Variants in MCOLN2 observed in about 807,000 individuals in gnomAD.
The protein encoded by MCOLN2 is mucolipin-2.
A neutral mutation model predicts 67.5 loss-of-function variants in MCOLN2; 57 were observed. The ratio of observed to expected loss-of-function variants is 0.84; its 90% CI spans 0.68 to 1.05. The LOEUF is 1.05. Ranked by LOEUF, MCOLN2 falls within the 50% of genes least tolerant of loss-of-function variation. MCOLN2 has a pLI of 0.00. For synonymous variants in MCOLN2, 246 were observed against 233.3 expected (o/e 1.05, Z -0.50); for missense variants, 620 against 678.8 (o/e 0.91, Z 0.96).
chr1:84,957,547 C>T (rs1246017287), intron 3 of MCOLN2, among the ~76,000 whole-genome samples: 6 of 152,162 alleles, frequency 3.9e-5, no homozygotes, highest in Non-Finnish European at 7.4e-5. Context: ...TCCCAATCCT[C>T]ACCTTGCCAT....
Position 84,979,283 on chromosome 1 carries a change from T to C in MCOLN2, c.78-13575A>G, listed in dbSNP as rs1193892068. On this transcript the variant is annotated intron_variant, in intron 1 of 13. Coordinates refer to ENST00000370608, the MANE Select transcript of MCOLN2 (RefSeq NM_153259.4). ...AACTAATACCAATCCTACTCAAACT[T>C]TTCTGAAAAATAGAAGAGGAAACAA... Among the ~76,000 whole-genome samples, 10 of 152,136 alleles carry C rather than the reference T, an allele frequency of 6.6e-5. No individual in the cohort carries two copies. The South Asian group carries it at 2.1e-3, about 32-fold the overall frequency.
At chr1:84,991,615 G>A (rs560186788) in intron 1 of MCOLN2, among the ~76,000 whole-genome samples, 1 of 152,156 alleles carries the variant, frequency 6.6e-6, no homozygotes, top group African/African-American at 2.4e-5. Flanking sequence ...AAGGCCATAG[G>A]GGCTTTTCAT....
intron 7 of MCOLN2, among the ~76,000 whole-genome samples, chr1:84,945,902 C>T (rs950054946): frequency 6.6e-6 from 1 of 152,148 alleles, no homozygotes; most frequent in Non-Finnish European, 1.5e-5. Context: ...GCATGTGCCA[C>T]CATGCCCGGC....
chr1:84,931,255 T>C, intron 12 of MCOLN2, 107 bp downstream of exon 12: 1 of 777,718 alleles, frequency 1.3e-6, no homozygotes, highest in Non-Finnish European at 2.1e-6. Context: ...CCACAAAACC[T>C]CAAAATCTGA....
At chr1:84,983,115 T>C (rs1465072413) in intron 1 of MCOLN2, among the ~76,000 whole-genome samples, 2 of 152,082 alleles carry the variant, frequency 1.3e-5, no homozygotes, top group Admixed American at 6.5e-5. Context: ...TCCTTCATTT[T>C]TATCCTCATC....
chr1:84,969,570 CAAAA>C (rs60003501), intron 1 of MCOLN2, among the ~76,000 whole-genome samples: 5 of 80,696 alleles, frequency 6.2e-5, no homozygotes, highest in Non-Finnish European at 8.2e-5. Context: ...GACTCTGCCT[CAAAA>C]AAAAAAAAAA....
chr1:84,965,488 C>T, intron 2 of MCOLN2, 61 bp downstream of exon 2: 1 of 1,555,494 alleles, frequency 6.4e-7, no homozygotes, highest in South Asian at 1.2e-5. Context: ...GTACAGAACA[C>T]ATGAAAAGAG....
At chr1:84,996,722 C>T in intron 1 of MCOLN2, 74 bp downstream of exon 1, 5 of 1,375,998 alleles carry the variant, frequency 3.6e-6, no homozygotes, top group Non-Finnish European at 5.2e-6. Context: ...CTCTAGTCTA[C>T]GAAAGTAAAG....
intron 1 of MCOLN2, among the ~76,000 whole-genome samples, chr1:84,993,853 A>AC (rs1236422943): frequency 2.0e-5 from 3 of 151,330 alleles, no homozygotes; most frequent in African/African-American, 7.3e-5. Flanking sequence ...GATGGTCTCG[A>AC]TCTCCTGACC....
chr1:84,941,848 G>C (rs1280863544), intron 7 of MCOLN2, among the ~76,000 whole-genome samples: 1 of 152,170 alleles, frequency 6.6e-6, no homozygotes, highest in East Asian at 1.9e-4. Context: ...AGCAAGGAGG[G>C]GAGTGGTAAT....
At chr1:84,934,932 T>C (rs893503745) in intron 11 of MCOLN2, among the ~76,000 whole-genome samples, 1 of 152,236 alleles carries the variant, frequency 6.6e-6, no homozygotes, top group Non-Finnish European at 1.5e-5. Context: ...TGAAGTGTTA[T>C]GGGACCCCAG....
rs751094615 is a variant in MCOLN2, at chr1:84,931,404, A to G, written c.1500T>C (p.Ser500=). The G allele has an allele frequency of 1.1e-5, 17 of 1,596,840 alleles. No homozygotes were observed. Among genetic ancestry groups the G allele is most frequent in the Non-Finnish European group, 1.4e-5 (16 of 1,164,582 alleles). Reference sequence around the variant, plus strand: ...AATCTGTAATAAGTGCAATAAAAAGACTGAGAATCATATATATAAAAAGGC... The same window carrying G: ...AATCTGTAATAAGTGCAATAAAAAGGCTGAGAATCATATATATAAAAAGGC... ...FISLFIYMIL[S]LFIALITDSY... Residue 500 remains serine, a synonymous_variant, in exon 12 of 14, where the codon AGT becomes AGC. Coordinates refer to ENST00000370608, the MANE Select transcript of MCOLN2 (RefSeq NM_153259.4).
chr1:84,942,923 C>G (rs1208971345), intron 7 of MCOLN2, among the ~76,000 whole-genome samples: 1 of 152,146 alleles, frequency 6.6e-6, no homozygotes, highest in African/African-American at 2.4e-5. Context: ...AAGGTCCTCA[C>G]CAGAAGTGGG....
chr1:84,975,051 T>G (rs930375694), intron 1 of MCOLN2, among the ~76,000 whole-genome samples: 2 of 152,136 alleles, frequency 1.3e-5, no homozygotes, highest in Non-Finnish European at 2.9e-5. Flanking sequence ...TTCTAAGGTT[T>G]TTTATTGTAG....
chr1:84,945,815 C>T (rs1007112439), intron 7 of MCOLN2, among the ~76,000 whole-genome samples: 5 of 152,108 alleles, frequency 3.3e-5, no homozygotes, highest in African/African-American at 1.2e-4. Flanking sequence ...GGCATGATCT[C>T]GGTTCACTGC....
intron 8 of MCOLN2, among the ~76,000 whole-genome samples, chr1:84,940,388 G>A (rs946033259): frequency 1.3e-5 from 2 of 152,196 alleles, no homozygotes; most frequent in African/African-American, 4.8e-5. Context: ...ATTCATAAGA[G>A]CCCTGAGGGT....
At chr1:84,985,554 A>G (rs1650466008) in intron 1 of MCOLN2, among the ~76,000 whole-genome samples, 1 of 152,074 alleles carries the variant, frequency 6.6e-6, no homozygotes, top group Admixed American at 6.6e-5. Context: ...CACAGGTCTA[A>G]TTGGTCTCTC....
At chr1:84,934,550 G>T (rs1017764226) in intron 11 of MCOLN2, among the ~76,000 whole-genome samples, 9 of 149,594 alleles carry the variant, frequency 6.0e-5, no homozygotes, top group African/African-American at 2.2e-4. Flanking sequence ...AAAACCAGAG[G>T]GCTTGGAAGG....
intron 1 of MCOLN2, among the ~76,000 whole-genome samples, chr1:84,987,649 T>G (rs1571048587): frequency 8.3e-6 from 1 of 119,974 alleles, no homozygotes; most frequent in African/African-American, 2.8e-5. Flanking sequence ...TATAGAAATA[T>G]ATACATACAT....
Sources: allele counts gnomAD v4.1 joint callset (sites outside exome capture counted in the v4.1 genomes callset), GRCh38; gene constraint gnomAD v4.1.1; transcripts MANE v1.5; gene names NCBI Gene and HGNC (gene_info 2026-07-23, HGNC 2026-07-21).